Variants in EMSY observed in about 807,000 individuals in gnomAD.
The protein encoded by EMSY is BRCA2-interacting transcriptional repressor EMSY.
Under a neutral mutation model 134.6 loss-of-function variants are expected in EMSY, and 26 were observed. The observed-to-expected ratio is 0.19, with a 90% CI of 0.14 to 0.27. The LOEUF is 0.27. EMSY is among the 10% of genes least tolerant of loss of function. EMSY has a pLI of 1.00. For synonymous variants in EMSY, 579 were observed against 577.8 expected (o/e 1.00, Z -0.03); for missense variants, 1,305 against 1,611.4 (o/e 0.81, Z 3.26).
intron 7 of EMSY, among the ~76,000 whole-genome samples, chr11:76,468,427 ACTT>A (rs1948447142): frequency 6.6e-6 from 1 of 152,186 alleles, no homozygotes; most frequent in Non-Finnish European, 1.5e-5. Flanking sequence ...GTACTCTTTT[ACTT>A]CTTGTGTACT....
At chr11:76,536,883 T>A (rs185407509) in intron 15 of EMSY, among the ~76,000 whole-genome samples, 2 of 152,318 alleles carry the variant, frequency 1.3e-5, no homozygotes, top group East Asian at 3.9e-4. Flanking sequence ...GTATTTTTGT[T>A]GTTGTTGTTG....
intron 2 of EMSY, among the ~76,000 whole-genome samples, chr11:76,450,872 C>A (rs1947637702): frequency 6.6e-6 from 1 of 151,284 alleles, no homozygotes; most frequent in Non-Finnish European, 1.5e-5. Flanking sequence ...CAGCTCACTG[C>A]ATCCTTGACT....
At position 76,464,223 on chromosome 11, in the gene EMSY, A is replaced by G. The variant is rs73493478; in HGVS notation, c.831+143A>G. ...CATCTTTTACTTTGTTTAATTTTCCAGATAAGGCTTTGGGATAGGTATTAT... is the reference window on the plus strand; with the variant it reads ...CATCTTTTACTTTGTTTAATTTTCCGGATAAGGCTTTGGGATAGGTATTAT... On this transcript the variant is annotated intron_variant, in intron 7 of 20. Coordinates refer to ENST00000334736, the Ensembl canonical transcript of EMSY. 1.1e-3 allele frequency: 1,219 copies of G among 1,076,922 alleles called. 8 individuals carry two copies. The African/African-American group carries it at 0.017, about 15-fold the overall frequency. The allele number at this position is 1,076,922 out of a possible 1,614,324, so 66.7% of individuals were successfully genotyped here.
At chr11:76,532,182 T>G (rs1020588190) in intron 14 of EMSY, among the ~76,000 whole-genome samples, 2 of 152,160 alleles carry the variant, frequency 1.3e-5, no homozygotes, top group African/African-American at 2.4e-5. Context: ...AAGATCATAT[T>G]CATCTTCATA....
At chr11:76,533,805 G>A (rs964820481) in intron 14 of EMSY, among the ~76,000 whole-genome samples, 2 of 152,136 alleles carry the variant, frequency 1.3e-5, no homozygotes, top group South Asian at 2.1e-4. Flanking sequence ...CTAGATGAAC[G>A]CACACTGCAT....
chr11:76,530,384 C>T (rs1950995395), intron 14 of EMSY, among the ~76,000 whole-genome samples: 1 of 152,028 alleles, frequency 6.6e-6, no homozygotes, highest in African/African-American at 2.4e-5. Flanking sequence ...TGGTCTTGAA[C>T]TCCTGACTTC....
chr11:76,507,757 C>T (rs74616899), intron 9 of EMSY, among the ~76,000 whole-genome samples: 88 of 152,176 alleles, frequency 5.8e-4, no homozygotes, highest in African/African-American at 2.0e-3. Context: ...GCATCTAGAA[C>T]AGTGAATCCT....
intron 1 of EMSY, among the ~76,000 whole-genome samples, chr11:76,445,687 C>T (rs997867081): frequency 5.3e-5 from 8 of 152,146 alleles, no homozygotes; most frequent in African/African-American, 1.7e-4. Flanking sequence ...GTTGCGGCCC[C>T]GCTCTGGGGT....
At chr11:76,544,980 G>A (rs752159888) in intron 19 of EMSY, 158 bp downstream of exon 20, 191 of 777,846 alleles carry the variant, frequency 2.5e-4, no homozygotes, top group Non-Finnish European at 3.4e-4. Context: ...TCAGAAGGTT[G>A]ACATTAGGGA....
chr11:76,453,510 G>T, intron 4 of EMSY, 122 bp downstream of exon 4: 1 of 858,180 alleles, frequency 1.2e-6, no homozygotes, highest in Non-Finnish European at 1.8e-6. Flanking sequence ...CTATACTCAG[G>T]GATCCTGATC....
chr11:76,484,938 A>C (rs1254075339), intron 8 of EMSY, among the ~76,000 whole-genome samples: 1 of 152,068 alleles, frequency 6.6e-6, no homozygotes, highest in Admixed American at 6.6e-5. Context: ...CAAAAAAAAA[A>C]AAAAACCTAG....
At position 76,447,391 on chromosome 11, in the gene EMSY, G is replaced by T. The variant is rs140266627; in HGVS notation, c.70+383G>T. ...ATGAAGCTTAGAAGCCAAGGTAATG[G>T]TGATAGACATGGAGTCAGTATTTGA... On this transcript the variant is annotated intron_variant, in intron 2 of 20. Coordinates refer to ENST00000334736, the Ensembl canonical transcript of EMSY. Among the ~76,000 whole-genome samples, 708 of 152,284 alleles carry T rather than the reference G, an allele frequency of 4.6e-3. 4 individuals carry two copies. Among genetic ancestry groups the T allele is most frequent in the African/African-American group, 0.016 (663 of 41,544 alleles).
intron 4 of EMSY, among the ~76,000 whole-genome samples, chr11:76,456,672 A>G (rs1343235243): frequency 6.6e-6 from 1 of 152,130 alleles, no homozygotes; most frequent in Non-Finnish European, 1.5e-5. Flanking sequence ...AGTGTTACTG[A>G]AGTTTTAGGA....
At chr11:76,466,460 T>TTTCCCTTTTAAAAA (rs1478617988) in intron 7 of EMSY, among the ~76,000 whole-genome samples, 6 of 152,170 alleles carry the variant, frequency 3.9e-5, no homozygotes, top group Non-Finnish European at 8.8e-5. Flanking sequence ...GTTTTGACCT[T>TTTCCCTTTTAAAAA]ATAGGTTTAT....
exon 21 of EMSY, chr11:76,551,045 C>T (rs566591410): frequency 3.9e-5 from 6 of 152,790 alleles, no homozygotes; most frequent in African/African-American, 9.6e-5. Context: ...GCTTTCTTAA[C>T]GTTGAAATTG....
chr11:76,548,494 C>G (rs1951732023), intron 20 of EMSY, among the ~76,000 whole-genome samples: 1 of 152,138 alleles, frequency 6.6e-6, no homozygotes, highest in Non-Finnish European at 1.5e-5. Flanking sequence ...ATAAAAGAGT[C>G]TATATATGTG....
intron 8 of EMSY, among the ~76,000 whole-genome samples, chr11:76,474,115 CAA>C (rs11407539): frequency 2.2e-4 from 28 of 128,634 alleles, no homozygotes; most frequent in Admixed American, 5.4e-4. Flanking sequence ...GACCCTGTCT[CAA>C]AAAAAAAAAA....
intron 11 of EMSY, among the ~76,000 whole-genome samples, chr11:76,519,329 T>C (rs1950566877): frequency 1.3e-5 from 2 of 152,182 alleles, no homozygotes; most frequent in African/African-American, 4.8e-5. Context: ...GCTCCCAAAG[T>C]GCTGGTATTA....
exon 20 of EMSY, chr11:76,545,994 T>G: frequency 6.2e-7 from 1 of 1,614,094 alleles, no homozygotes; most frequent in Non-Finnish European, 8.5e-7. Context: ...TGATGGAAGC[T>G]CAGATTGATA....
Sources: allele counts gnomAD v4.1 joint callset (sites outside exome capture counted in the v4.1 genomes callset), GRCh38; gene constraint gnomAD v4.1.1; transcripts MANE v1.5; gene names NCBI Gene and HGNC (gene_info 2026-07-23, HGNC 2026-07-21).